Variants in CDC7 observed in about 807,000 individuals in gnomAD.
CDC7 encodes the protein cell division cycle 7.
In CDC7, 34 loss-of-function variants were observed where a neutral mutation model predicts 53.5. The observed-to-expected ratio is 0.64, with a 90% CI of 0.48 to 0.85. The LOEUF is 0.85. Among genes scored for constraint, CDC7 ranks in the 40% least tolerant of loss-of-function variants. The probability of loss-of-function intolerance (pLI) is 0.00; values close to 1 mark genes in which losing one functional copy is unlikely to be tolerated. For synonymous variants in CDC7, 211 were observed against 222.8 expected, an observed-to-expected ratio of 0.95 and a Z score of 0.47; for missense variants, 594 against 679.7, an observed-to-expected ratio of 0.87 and a Z score of 1.40.
intron 2 of CDC7, among the ~76,000 whole-genome samples, chr1:91,504,261 A>C (rs1476580917): frequency 6.6e-6 from 1 of 152,008 alleles, no homozygotes; most frequent in African/African-American, 2.4e-5. Flanking sequence ...ATGTGCCGCT[A>C]CACTCAGCTA....
intron 2 of CDC7, among the ~76,000 whole-genome samples, chr1:91,506,457 C>CAA (rs1267921128): frequency 1.3e-5 from 2 of 152,036 alleles, no homozygotes; most frequent in Non-Finnish European, 2.9e-5. Context: ...ACTTAGCTGT[C>CAA]AACTGAAGGC....
At chr1:91,517,952 G>C (rs1201722663) in intron 10 of CDC7, among the ~76,000 whole-genome samples, 1 of 151,878 alleles carries the variant, frequency 6.6e-6, no homozygotes, top group Non-Finnish European at 1.5e-5. Flanking sequence ...CAAAAAATTA[G>C]CAGGGCATGG....
chr1:91,511,901 T>G lies in CDC7; in HGVS notation c.550T>G (p.Leu184Val), dbSNP rs1373926032. The G allele has an allele frequency of 6.3e-7, 1 of 1,588,068 alleles. No individual in the cohort carries two copies. The highest frequency in any genetic ancestry group is 1.7e-5 in the Admixed American group (1 of 59,230). Residue 184 changes from leucine (L) to valine (V), a missense_variant, in exon 6 of 12, where the codon TTA (leucine) becomes GTA (valine). Leu to Val is a conservative substitution (Grantham distance 32). Transcript: ENST00000234626. ...CCGTGATGTTAAGCCCAGCAATTTT[T>G]TATATAATAGGCGCCTGAAAAAGTA... ...VHRDVKPSNF[L>V]YNRRLKKYAL...
In CDC7 at chr1:91,513,091, A is replaced by G; in HGVS notation, c.606A>G (p.Gly202=). The part of the protein sequence containing the change: ...YALVDFGLAQ[G]THDTKIELLK... ...TGGTAGACTTTGGTTTGGCCCAAGG[A>G]ACCCATGATACGAAAATAGAGCTTC... Residue 202 remains glycine (G), a synonymous_variant, in exon 7 of 12, where the codon GGA becomes GGG. Coordinates refer to ENST00000234626, the MANE Select transcript of CDC7 (RefSeq NM_003503.4). The G allele has an allele frequency of 1.2e-6, 2 of 1,613,576 alleles. No individual in the cohort carries two copies. The highest frequency in any genetic ancestry group is 1.7e-6 in the Non-Finnish European group (2 of 1,179,630).
chr1:91,511,852 C>T lies in CDC7; in HGVS notation c.501C>T (p.Arg167=), dbSNP rs1325633344. 1.9e-6 allele frequency: 3 copies of T among 1,605,498 alleles called. No individual in the cohort carries two copies. Among genetic ancestry groups the T allele is most frequent in the Non-Finnish European group, 2.6e-6 (3 of 1,173,434 alleles). ...YMLNLFKALK[R]IHQFGIVHRD... ...TTAATCTGTTCAAAGCTTTGAAACG[C>T]ATTCATCAGTTTGGTATTGTTCACC... Residue 167 remains arginine (R), a synonymous_variant, in exon 6 of 12, where the codon CGC becomes CGT. Transcript: ENST00000234626.
chr1:91,515,127 G>T, intron 9 of CDC7, 130 bp downstream of exon 9: 2 of 601,282 alleles, frequency 3.3e-6, no homozygotes, highest in Non-Finnish European at 5.7e-6. Context: ...CCTTGATGCA[G>T]AGCAGTAGTA....
chr1:91,515,884 G>T lies in CDC7; in HGVS notation c.1180+8G>T, dbSNP rs1667532713. ...GCCCCAATCAAACTACAGGTATGTT[G>T]TACTGGAAATACAGAACCTAGTTAA... On this transcript the variant is annotated splice_region_variant and intron_variant, in intron 10 of 11. Coordinates refer to ENST00000234626, the MANE Select transcript of CDC7 (RefSeq NM_003503.4). 3 of 1,605,708 alleles carry T rather than the reference G, an allele frequency of 1.9e-6. No individual in the cohort carries two copies. Among genetic ancestry groups the T allele is most frequent in the Non-Finnish European group, 2.6e-6 (3 of 1,172,790 alleles).
intron 6 of CDC7, 77 bp downstream of exon 6, chr1:91,512,000 T>A (rs1338210327): frequency 1.0e-5 from 11 of 1,063,412 alleles, no homozygotes; most frequent in African/African-American, 1.6e-5. Flanking sequence ...ATTTAAGGTA[T>A]TGAACATGAT....
chr1:91,517,324 A>G (rs1426303787), intron 10 of CDC7, among the ~76,000 whole-genome samples: 1 of 152,138 alleles, frequency 6.6e-6, no homozygotes, highest in East Asian at 1.9e-4. Flanking sequence ...GAATGAGGGT[A>G]TTGGTAATAG....
At chr1:91,513,871 A>C (rs1667414783) in intron 7 of CDC7, 77 bp from the exon 8 acceptor site, 1 of 1,061,174 alleles carries the variant, frequency 9.4e-7, no homozygotes. Flanking sequence ...AACTCTTTCA[A>C]AACTATGGCA....
intron 8 of CDC7, 86 bp downstream of exon 8, chr1:91,514,129 C>G: frequency 1.2e-6 from 1 of 825,396 alleles, no homozygotes; most frequent in Non-Finnish European, 1.8e-6. Flanking sequence ...CATTTATTAT[C>G]AGAAATTTTT....
At chr1:91,517,261 T>G (rs1667608806) in intron 10 of CDC7, among the ~76,000 whole-genome samples, 1 of 152,118 alleles carries the variant, frequency 6.6e-6, no homozygotes, top group Admixed American at 6.6e-5. Flanking sequence ...GCAAACAGAT[T>G]AGCTTTTGGA....
intron 11 of CDC7, among the ~76,000 whole-genome samples, chr1:91,521,065 T>G (rs1667917953): frequency 6.6e-6 from 1 of 152,228 alleles, no homozygotes; most frequent in Non-Finnish European, 1.5e-5. Context: ...CTCAGCTTAC[T>G]ACCATACAAT....
chr1:91,515,961 T>G, intron 10 of CDC7, 85 bp downstream of exon 10: 1 of 1,132,542 alleles, frequency 8.8e-7, no homozygotes. Context: ...TATTTATAAC[T>G]AATATTTGAG....
chr1:91,511,494 G>T, intron 4 of CDC7, 103 bp from the exon 5 acceptor site: 1 of 643,988 alleles, frequency 1.6e-6, no homozygotes. Context: ...CAGTTTTCTA[G>T]CAATATGTAT....
chr1:91,513,083 G>A lies in CDC7; in HGVS notation c.598G>A (p.Ala200Thr). ...GTATGCCTTGGTAGACTTTGGTTTG[G>A]CCCAAGGAACCCATGATACGAAAAT... Reference protein sequence around the residue: ...KKYALVDFGLAQGTHDTKIEL... With the variant: ...KKYALVDFGLTQGTHDTKIEL... Residue 200 changes from alanine to threonine, a missense_variant, in exon 7 of 12, where the codon GCC (alanine) becomes ACC (threonine). Ala to Thr is a moderately conservative substitution (Grantham distance 58, BLOSUM62 0). Coordinates refer to ENST00000234626, the MANE Select transcript of CDC7 (RefSeq NM_003503.4). The A allele has an allele frequency of 6.2e-7, 1 of 1,613,414 alleles. No homozygotes were observed. Among genetic ancestry groups the A allele is most frequent in the Non-Finnish European group, 8.5e-7 (1 of 1,179,562 alleles).
At chr1:91,508,751 A>T (rs1667116978) in intron 4 of CDC7, among the ~76,000 whole-genome samples, 1 of 152,094 alleles carries the variant, frequency 6.6e-6, no homozygotes, top group Admixed American at 6.5e-5. Context: ...CTAATATTTT[A>T]TTTAGAATAA....
chr1:91,509,953 C>T (rs546047194), intron 4 of CDC7, among the ~76,000 whole-genome samples: 9 of 152,302 alleles, frequency 5.9e-5, no homozygotes, highest in Admixed American at 2.6e-4. Flanking sequence ...TGAAACTGGA[C>T]GCAGTAGTTC....
At chr1:91,503,492 T>C (rs1461728918) in intron 2 of CDC7, among the ~76,000 whole-genome samples, 1 of 152,192 alleles carries the variant, frequency 6.6e-6, no homozygotes, top group Non-Finnish European at 1.5e-5. Flanking sequence ...AGTTATATTT[T>C]TGATTGGATG....
Sources: allele counts gnomAD v4.1 joint callset (sites outside exome capture counted in the v4.1 genomes callset), GRCh38; gene constraint gnomAD v4.1.1; transcripts MANE v1.5; gene names NCBI Gene and HGNC (gene_info 2026-07-23, HGNC 2026-07-21).